SCAI: variants seen among roughly 807,000 people sequenced by gnomAD.
SCAI encodes the protein suppressor of cancer cell invasion.
Under a neutral mutation model 92.2 loss-of-function variants are expected in SCAI, and 24 were observed. The ratio of observed to expected loss-of-function variants is 0.26; its 90% CI spans 0.19 to 0.37. The LOEUF (loss-of-function observed/expected upper bound fraction) is 0.37. Among genes scored for constraint, SCAI ranks in the 10% least tolerant of loss-of-function variants. SCAI has a pLI of 1.00. For missense variants in SCAI, 450 were observed against 736.2 expected, an observed-to-expected ratio of 0.61 and a Z score of 4.50; for synonymous variants, 261 against 258.6, an observed-to-expected ratio of 1.01 and a Z score of -0.09.
intron 2 of SCAI, among the ~76,000 whole-genome samples, chr9:125,063,658 G>A (rs964622468): frequency 3.3e-5 from 5 of 151,032 alleles, no homozygotes; most frequent in East Asian, 1.9e-4. Context: ...ATTATCAGGC[G>A]ACACTGACTT....
Position 124,950,951 on chromosome 9 carries a change from G to C in SCAI, c.*1856C>G, listed in dbSNP as rs1831225937. The C allele has an allele frequency of 6.6e-6, 1 of 151,480 alleles. No individual in the cohort carries two copies. 9.4% of individuals were successfully genotyped at this position (151,480 alleles called of 1,614,324 possible). A position where few individuals can be genotyped will look rare whatever the true frequency, so the allele number is the denominator to read the frequency against. On this transcript the variant is annotated 3_prime_UTR_variant, in exon 18 of 18. Transcript: ENST00000336505. Reference sequence around the variant, plus strand: ...CGCATGCCTGTAGTCCCAGCTACTTGGGAGGCTGAGGTGAGAAGATTGCCT... The same window carrying C: ...CGCATGCCTGTAGTCCCAGCTACTTCGGAGGCTGAGGTGAGAAGATTGCCT...
chr9:125,122,643 G>A (rs548641114), intron 2 of SCAI, among the ~76,000 whole-genome samples: 50 of 142,588 alleles, frequency 3.5e-4, no homozygotes, highest in African/African-American at 1.2e-3. Context: ...AGTGGCTCAC[G>A]CCAGTAATCC....
Position 125,142,690 on chromosome 9 carries a change from C to G in SCAI, c.54-13G>C, listed in dbSNP as rs560068088. The G allele has an allele frequency of 1.1e-5, 17 of 1,612,200 alleles. No individual in the cohort carries two copies. The East Asian group carries it at 3.3e-4, about 32-fold the overall frequency. ...TGTGCCAGTCAGTCTGCAGACCAAA[C>G]AAATAAGACGGTAACTAAAAGTAAC... On this transcript the variant is annotated splice_polypyrimidine_tract_variant and intron_variant, in intron 1 of 17. Coordinates refer to ENST00000336505, the MANE Select transcript of SCAI (RefSeq NM_001144877.3).
At chr9:125,134,495 A>G (rs983673648) in intron 2 of SCAI, among the ~76,000 whole-genome samples, 14 of 152,206 alleles carry the variant, frequency 9.2e-5, no homozygotes, top group African/African-American at 2.9e-4. Flanking sequence ...CAACAACAAC[A>G]ACAACAAAAG....
At chr9:125,115,616 ACAGT>A (rs1433155682) in intron 2 of SCAI, among the ~76,000 whole-genome samples, 1 of 152,198 alleles carries the variant, frequency 6.6e-6, no homozygotes, top group South Asian at 2.1e-4. Context: ...AAGAATACAT[ACAGT>A]ATCATTTCAT....
chr9:125,064,095 G>A (rs1833832763), intron 2 of SCAI, among the ~76,000 whole-genome samples: 1 of 151,914 alleles, frequency 6.6e-6, no homozygotes, highest in Non-Finnish European at 1.5e-5. Flanking sequence ...TAATAACATA[G>A]CCTCAAAATA....
intron 14 of SCAI, among the ~76,000 whole-genome samples, chr9:124,989,624 C>T (rs959657611): frequency 6.6e-6 from 1 of 151,924 alleles, no homozygotes; most frequent in African/African-American, 2.4e-5. Flanking sequence ...TGGCTCATGC[C>T]TGTAATTCCA....
chr9:124,960,960 A>C (rs1293615926), intron 17 of SCAI, among the ~76,000 whole-genome samples: 2 of 151,972 alleles, frequency 1.3e-5, no homozygotes, highest in African/African-American at 4.8e-5. Flanking sequence ...CTACAAAAAA[A>C]TTTAAAAATT....
At position 124,955,938 on chromosome 9, in the gene SCAI, A is replaced by G. The variant is rs565949989; in HGVS notation, c.1675-2985T>C. 1.3e-4 allele frequency among the ~76,000 whole-genome samples: 20 copies of G among 152,322 alleles called. No homozygotes were observed. The East Asian group carries it at 3.9e-3, about 29-fold the overall frequency. On this transcript the variant is annotated intron_variant, in intron 17 of 17. Transcript: ENST00000336505. ...CATAATTTTAAATCTAAAAAAGAAAATTCCAGGCCCAGGTGGCTTCAAGGA... is the reference window on the plus strand; with the variant it reads ...CATAATTTTAAATCTAAAAAAGAAAGTTCCAGGCCCAGGTGGCTTCAAGGA...
intron 14 of SCAI, among the ~76,000 whole-genome samples, chr9:124,990,254 C>T (rs543923563): frequency 4.6e-5 from 7 of 152,020 alleles, no homozygotes; most frequent in Non-Finnish European, 7.4e-5. Context: ...TCTGGGAGGC[C>T]GAGGTAGGCG....
At chr9:125,101,897 A>G (rs1834685747) in intron 2 of SCAI, among the ~76,000 whole-genome samples, 1 of 152,234 alleles carries the variant, frequency 6.6e-6, no homozygotes, top group Non-Finnish European at 1.5e-5. Flanking sequence ...AACTAAACAT[A>G]TACTGTGACT....
rs1831235662 is a variant in SCAI at position 124,951,486 on chromosome 9, C to CA, written c.*1320dup. The CA allele has an allele frequency of 2.0e-5, 3 of 151,976 alleles. No homozygotes were observed. Among genetic ancestry groups the CA allele is most frequent in the Admixed American group, 2.0e-4 (3 of 15,240 alleles). The allele number at this position is 151,976 out of a possible 1,614,324, so 9.4% of individuals were successfully genotyped here. On this transcript the variant is annotated 3_prime_UTR_variant, in exon 18 of 18. Coordinates refer to ENST00000336505, the MANE Select transcript of SCAI (RefSeq NM_001144877.3). ...CCCCACTGCACTCCAACCTGGGCAACAAAAGCAAGACTCTGTTTCAAAAAA... is the reference window on the plus strand; with the variant it reads ...CCCCACTGCACTCCAACCTGGGCAACAAAAAGCAAGACTCTGTTTCAAAAAA...
At chr9:124,953,920 T>A (rs1432152061) in intron 17 of SCAI, among the ~76,000 whole-genome samples, 2 of 152,208 alleles carry the variant, frequency 1.3e-5, no homozygotes, top group African/African-American at 4.8e-5. Flanking sequence ...TTGCCCAGGC[T>A]GGCTTACTGC....
At chr9:125,117,665 CAAAAAAAAAAAAA>C (rs372964615) in intron 2 of SCAI, among the ~76,000 whole-genome samples, 11 of 45,252 alleles carry the variant, frequency 2.4e-4, no homozygotes, top group African/African-American at 8.1e-4. Context: ...GACTCCATCT[CAAAAAAAAAAAAA>C]AAAAAAAAAA....
chr9:124,989,032 G>C (rs575669230), intron 14 of SCAI, among the ~76,000 whole-genome samples: 2 of 151,878 alleles, frequency 1.3e-5, no homozygotes, highest in East Asian at 3.9e-4. Flanking sequence ...CCAGCTACTC[G>C]GGAGGCTGAG....
At chr9:125,046,200 T>G (rs190917698) in intron 3 of SCAI, among the ~76,000 whole-genome samples, 12 of 119,928 alleles carry the variant, frequency 1.0e-4, no homozygotes, top group East Asian at 2.9e-4. Context: ...TTGTGAGATA[T>G]ATATATATAT....
intron 1 of SCAI, 94 bp from the exon 2 acceptor site, chr9:125,142,771 C>T: frequency 9.6e-7 from 1 of 1,040,192 alleles, no homozygotes; most frequent in Non-Finnish European, 1.5e-6. Context: ...AATAGACCAC[C>T]CTCTGGGACC....
intron 2 of SCAI, among the ~76,000 whole-genome samples, chr9:125,099,508 C>CT (rs761476727): frequency 6.6e-6 from 1 of 152,126 alleles, no homozygotes; most frequent in Non-Finnish European, 1.5e-5. Context: ...TCTCGACCTC[C>CT]TGGCCTCAAG....
At chr9:124,972,132 A>G (rs774722698) in intron 15 of SCAI, among the ~76,000 whole-genome samples, 49 of 152,152 alleles carry the variant, frequency 3.2e-4, no homozygotes, top group Non-Finnish European at 5.4e-4. Context: ...CAAGTGTTGG[A>G]TTATGGGTTA....
Sources: gnomAD v4.1 joint callset for allele counts (sites outside exome capture counted in the v4.1 genomes callset) on GRCh38, gnomAD v4.1.1 for gene constraint, MANE v1.5 for transcripts, NCBI Gene and HGNC (gene_info 2026-07-23, HGNC 2026-07-21) for gene names.